Variants in SUPT3H observed in about 807,000 individuals in gnomAD.
SUPT3H encodes transcription initiation protein SPT3 homolog.
SUPT3H carries 44 observed loss-of-function variants against 44.3 expected under a neutral mutation model. The ratio of observed to expected loss-of-function variants is 0.99; its 90% CI spans 0.78 to 1.28. The LOEUF (loss-of-function observed/expected upper bound fraction) is 1.28, where lower values mean the gene tolerates loss of function less well. Among genes scored for constraint, SUPT3H ranks in the 50% most tolerant of loss-of-function variants. SUPT3H has a pLI of 0.00. For synonymous variants in SUPT3H, 124 were observed against 125.6 expected, an observed-to-expected ratio of 0.99 and a Z score of 0.09; for missense variants, 380 against 387.1, an observed-to-expected ratio of 0.98 and a Z score of 0.15.
At chr6:45,003,852 A>C (rs1454335889) in intron 5 of SUPT3H, 60 bp from the exon 6 acceptor site, 1 of 1,556,070 alleles carries the variant, frequency 6.4e-7, no homozygotes, top group African/African-American at 1.4e-5. Context: ...CATCAGCACT[A>C]ATTATTACAT....
At chr6:45,210,095 G>GC (rs1347765755) in intron 2 of SUPT3H, among the ~76,000 whole-genome samples, 1 of 152,066 alleles carries the variant, frequency 6.6e-6, no homozygotes, top group African/African-American at 2.4e-5. Flanking sequence ...TATGTATACT[G>GC]CTTTTTTTTA....
At chr6:44,978,476 A>G (rs892415846) in intron 6 of SUPT3H, among the ~76,000 whole-genome samples, 11 of 152,224 alleles carry the variant, frequency 7.2e-5, no homozygotes, top group South Asian at 2.1e-4. Flanking sequence ...AGTATCAGAA[A>G]AAAGACAAGT....
chr6:44,867,398 C>G (rs1775681749), intron 10 of SUPT3H, among the ~76,000 whole-genome samples: 1 of 151,966 alleles, frequency 6.6e-6, no homozygotes, highest in African/African-American at 2.4e-5. Flanking sequence ...GCCTCGGCCT[C>G]CCACCTTTTT....
At chr6:44,997,740 T>C (rs920123479) in intron 6 of SUPT3H, among the ~76,000 whole-genome samples, 4 of 151,882 alleles carry the variant, frequency 2.6e-5, no homozygotes, top group Non-Finnish European at 5.9e-5. Flanking sequence ...GAACTCTTAA[T>C]ATTTTTAAAA....
intron 2 of SUPT3H, among the ~76,000 whole-genome samples, chr6:45,262,801 T>G (rs1381203102): frequency 6.6e-6 from 1 of 151,276 alleles, no homozygotes; most frequent in Non-Finnish European, 1.5e-5. Context: ...ATATGTGAAA[T>G]ACAACCCCAT....
chr6:45,271,806 T>C (rs1200432429), intron 2 of SUPT3H, among the ~76,000 whole-genome samples: 1 of 152,070 alleles, frequency 6.6e-6, no homozygotes, highest in Non-Finnish European at 1.5e-5. Context: ...TTCCACCCCA[T>C]GAAAGCAGCT....
At chr6:45,066,271 C>T (rs1583348939) in intron 3 of SUPT3H, among the ~76,000 whole-genome samples, 3 of 152,106 alleles carry the variant, frequency 2.0e-5, no homozygotes, top group East Asian at 3.9e-4. Flanking sequence ...CTCCTTCATG[C>T]TAAAAACTCT....
At chr6:45,099,646 A>C (rs143225637) in intron 3 of SUPT3H, among the ~76,000 whole-genome samples, 13 of 152,320 alleles carry the variant, frequency 8.5e-5, no homozygotes, top group African/African-American at 3.1e-4. Context: ...GTACCTGACA[A>C]AACTGTAAAC....
chr6:44,852,352 T>C (rs1773030352), intron 10 of SUPT3H, among the ~76,000 whole-genome samples: 1 of 152,180 alleles, frequency 6.6e-6, no homozygotes, highest in Non-Finnish European at 1.5e-5. Context: ...CTTCATTTAC[T>C]ACACTGAAAG....
At chr6:45,021,025 C>A (rs1162026363) in intron 3 of SUPT3H, among the ~76,000 whole-genome samples, 1 of 151,834 alleles carries the variant, frequency 6.6e-6, no homozygotes, top group Non-Finnish European at 1.5e-5. Context: ...AGCTCCCATG[C>A]TGCTCTGATT....
chr6:45,189,188 T>C (rs942689965), intron 2 of SUPT3H, among the ~76,000 whole-genome samples: 4 of 152,198 alleles, frequency 2.6e-5, no homozygotes, highest in African/African-American at 9.6e-5. Context: ...AATAAAATTA[T>C]ATTGGGCAAA....
intron 2 of SUPT3H, among the ~76,000 whole-genome samples, chr6:45,194,913 T>C (rs1383399542): frequency 6.6e-6 from 1 of 152,170 alleles, no homozygotes; most frequent in Non-Finnish European, 1.5e-5. Flanking sequence ...TATCTGTTTC[T>C]AGGATACCAA....
intron 2 of SUPT3H, among the ~76,000 whole-genome samples, chr6:45,188,053 A>G (rs910468417): frequency 2.0e-5 from 3 of 152,224 alleles, no homozygotes; most frequent in African/African-American, 7.2e-5. Context: ...GCCTGTACAC[A>G]CTTCTATAGG....
chr6:45,060,896 A>C (rs1361305712), intron 3 of SUPT3H, among the ~76,000 whole-genome samples: 1 of 152,224 alleles, frequency 6.6e-6, no homozygotes, highest in South Asian at 2.1e-4. Flanking sequence ...AACCACAATG[A>C]GATACTATCT....
intron 2 of SUPT3H, among the ~76,000 whole-genome samples, chr6:45,159,669 A>T (rs1808614783): frequency 6.6e-6 from 1 of 152,202 alleles, no homozygotes; most frequent in Non-Finnish European, 1.5e-5. Context: ...TAAATTTCTC[A>T]TGTTTAAAGT....
chr6:45,257,262 G>A (rs758861915), intron 2 of SUPT3H, among the ~76,000 whole-genome samples: 1 of 152,210 alleles, frequency 6.6e-6, no homozygotes, highest in East Asian at 1.9e-4. Context: ...GAAAAACTAA[G>A]GTACAGAGAT....
chr6:44,892,814 A>G (rs1763512636), intron 10 of SUPT3H, among the ~76,000 whole-genome samples: 1 of 152,148 alleles, frequency 6.6e-6, no homozygotes, highest in Admixed American at 6.6e-5. Flanking sequence ...TCTTTTCACC[A>G]CAGCACATGG....
intron 3 of SUPT3H, among the ~76,000 whole-genome samples, chr6:45,083,730 C>G (rs1796130119): frequency 6.6e-6 from 1 of 151,246 alleles, no homozygotes; most frequent in Non-Finnish European, 1.5e-5. Flanking sequence ...CACCATCGGT[C>G]TAGTATAAAA....
intron 1 of SUPT3H, chr6:45,371,770 A>C: frequency 6.6e-6 from 6 of 915,222 alleles, no homozygotes; most frequent in Non-Finnish European, 7.8e-6. Context: ...TAGATGGATA[A>C]GCAACTATAA....
Sources: allele counts gnomAD v4.1 joint callset (sites outside exome capture counted in the v4.1 genomes callset), GRCh38; gene constraint gnomAD v4.1.1; transcripts MANE v1.5; gene names NCBI Gene and HGNC (gene_info 2026-07-23, HGNC 2026-07-21).